Variants in ACACA observed in about 807,000 individuals in gnomAD.
ACACA encodes acetyl-CoA carboxylase alpha.
Under a neutral mutation model 296.1 loss-of-function variants are expected in ACACA, and 103 were observed. The ratio of observed to expected loss-of-function variants is 0.35; its 90% CI spans 0.30 to 0.41. The LOEUF is 0.41. ACACA is among the 10% of genes least tolerant of loss of function. The pLI is 1.00. For synonymous variants in ACACA, 953 were observed against 1,038.6 expected (o/e 0.92, Z 1.58); for missense variants, 1,554 against 2,989.7 (o/e 0.52, Z 11.20).
rs186357910 is a variant in ACACA at position 37,306,400 on chromosome 17, T to A, written c.339-21430A>T. Among the ~76,000 whole-genome samples, 63 of 152,266 alleles carry A rather than the reference T, an allele frequency of 4.1e-4. No individual in the cohort carries two copies. The East Asian group carries it at 9.5e-3, about 23-fold the overall frequency. On this transcript the variant is annotated intron_variant, in intron 3 of 55. Coordinates refer to ENST00000616317, the MANE Select transcript of ACACA (RefSeq NM_198834.3). Reference sequence around the variant, plus strand: ...TTTATTTACTTTTTAATGACCGATATAACTTCATACAATGAAGTGGAAAAA... The same window carrying A: ...TTTATTTACTTTTTAATGACCGATAAAACTTCATACAATGAAGTGGAAAAA...
chr17:37,138,265 T>C lies in ACACA; in HGVS notation c.5680-8047A>G, dbSNP rs143727035. On this transcript the variant is annotated intron_variant, in intron 45 of 55. Coordinates refer to ENST00000616317, the MANE Select transcript of ACACA (RefSeq NM_198834.3). ...GATTTGGATCCATGCACAGGGAACA[T>C]TCCCTAGAATGATGAACAGCTAGGA... Among the ~76,000 whole-genome samples the C allele has an allele frequency of 4.3e-3, 657 of 152,332 alleles. 6 individuals are homozygous for C. Among genetic ancestry groups the C allele is most frequent in the African/African-American group, 0.015 (621 of 41,568 alleles).
At chr17:37,376,967 T>C (rs578014993) in intron 1 of ACACA, among the ~76,000 whole-genome samples, 2 of 151,848 alleles carry the variant, frequency 1.3e-5, no homozygotes, top group South Asian at 2.1e-4. Flanking sequence ...AAATAAAAAA[T>C]TAAAATAAAA....
chr17:37,404,700 G>A (rs934591283), intron 1 of ACACA, among the ~76,000 whole-genome samples: 2 of 150,272 alleles, frequency 1.3e-5, no homozygotes, highest in East Asian at 2.0e-4. Context: ...TCAGCCTCCC[G>A]AGTAGCTGGG....
At chr17:37,125,059 G>A (rs913222241) in intron 48 of ACACA, among the ~76,000 whole-genome samples, 2 of 152,170 alleles carry the variant, frequency 1.3e-5, no homozygotes, top group African/African-American at 4.8e-5. Context: ...GTTATAGCTC[G>A]TTATAGCAAG....
intron 41 of ACACA, among the ~76,000 whole-genome samples, chr17:37,170,639 G>C (rs935582730): frequency 1.3e-5 from 2 of 152,126 alleles, no homozygotes; most frequent in Non-Finnish European, 2.9e-5. Context: ...TATTTTTTCT[G>C]CTGGGAGGAC....
chr17:37,395,578 CTT>C (rs1044590364), intron 1 of ACACA, among the ~76,000 whole-genome samples: 3 of 151,844 alleles, frequency 2.0e-5, no homozygotes, highest in African/African-American at 7.3e-5. Flanking sequence ...GAGTTTCACT[CTT>C]GTTGCCCAGG....
chr17:37,244,245 A>C (rs2145976793), intron 21 of ACACA, among the ~76,000 whole-genome samples: 1 of 152,124 alleles, frequency 6.6e-6, no homozygotes, highest in East Asian at 1.9e-4. Context: ...ACGTGCCTAC[A>C]ATCCCCACTA....
At chr17:37,294,471 C>T (rs1455562591) in intron 3 of ACACA, among the ~76,000 whole-genome samples, 5 of 152,124 alleles carry the variant, frequency 3.3e-5, no homozygotes, top group East Asian at 3.9e-4. Context: ...CATGTATAGA[C>T]GCACACAAAC....
At chr17:37,143,771 C>T in intron 45 of ACACA, 1 of 995,724 alleles carries the variant, frequency 1.0e-6, no homozygotes, top group East Asian at 2.4e-5. Flanking sequence ...TCGGCCTTGG[C>T]AACTCCCTTT....
chr17:37,130,047 A>G (rs2075015475), intron 46 of ACACA, 28 bp downstream of exon 46: 1 of 1,613,758 alleles, frequency 6.2e-7, no homozygotes, highest in Non-Finnish European at 8.5e-7. Context: ...TCTGCAGGCC[A>G]TGTCAGTGCT....
chr17:37,402,145 GT>G (rs904760742), intron 1 of ACACA, among the ~76,000 whole-genome samples: 1 of 152,072 alleles, frequency 6.6e-6, no homozygotes, highest in African/African-American at 2.4e-5. Context: ...GACAAAAGGT[GT>G]TTTTTTGGGT....
At chr17:37,174,012 A>T (rs1314994703) in intron 41 of ACACA, among the ~76,000 whole-genome samples, 1,093 of 12,362 alleles carry the variant, frequency 0.088, 99 homozygotes, top group African/African-American at 0.29. Flanking sequence ...ATATATATAT[A>T]TATATATATT....
At chr17:37,191,304 A>G (rs2077739808) in intron 37 of ACACA, 29 bp from the exon 38 acceptor site, 6 of 1,605,644 alleles carry the variant, frequency 3.7e-6, no homozygotes, top group Non-Finnish European at 5.1e-6. Context: ...ATCAACATTA[A>G]TGTAGTTTAA....
chr17:37,225,960 C>A (rs1000477043), intron 26 of ACACA, among the ~76,000 whole-genome samples: 30 of 152,180 alleles, frequency 2.0e-4, no homozygotes, highest in Admixed American at 1.2e-3. Flanking sequence ...TTGATTATTT[C>A]CTGTACACTT....
intron 3 of ACACA, chr17:37,299,135 T>G (rs1310114960): frequency 1.2e-6 from 1 of 841,326 alleles, no homozygotes; most frequent in Non-Finnish European, 1.8e-6. Context: ...TATGCCCATT[T>G]TTATTCATTT....
At chr17:37,309,871 G>C (rs893068033) in intron 3 of ACACA, among the ~76,000 whole-genome samples, 4 of 151,900 alleles carry the variant, frequency 2.6e-5, no homozygotes, top group African/African-American at 9.7e-5. Flanking sequence ...GGGCCACATA[G>C]TGAGAACACA....
intron 39 of ACACA, among the ~76,000 whole-genome samples, chr17:37,182,743 T>C (rs574091289): frequency 1.3e-5 from 2 of 152,182 alleles, no homozygotes; most frequent in Non-Finnish European, 2.9e-5. Context: ...AGTCTACCAT[T>C]AATGAATAGA....
Position 37,274,230 on chromosome 17 carries a change from T to C in ACACA, c.971A>G (p.Glu324Gly). Reference sequence around the variant, plus strand: ...ATCCACATCTTTCACATAACCTTTTTCATATAGCTCCTGGGGAACATTTAA... The same window carrying C: ...ATCCACATCTTTCACATAACCTTTTCCATATAGCTCCTGGGGAACATTTAA... ...RILNVPQELY[E>G]KGYVKDVDDG... Residue 324 changes from glutamate (E) to glycine (G), a missense_variant, in exon 9 of 56, where the codon GAA (glutamate) becomes GGA (glycine). By Grantham distance (98) the Glu-to-Gly change is moderately conservative (BLOSUM62 -2). Coordinates refer to ENST00000616317, the MANE Select transcript of ACACA (RefSeq NM_198834.3). 1 of 1,614,190 alleles carries C rather than the reference T, an allele frequency of 6.2e-7. No individual in the cohort carries two copies. Among genetic ancestry groups the C allele is most frequent in the Non-Finnish European group, 8.5e-7 (1 of 1,180,020 alleles).
chr17:37,191,079 A>G, intron 38 of ACACA, 41 bp downstream of exon 38: 1 of 1,608,910 alleles, frequency 6.2e-7, no homozygotes, highest in Non-Finnish European at 8.5e-7. Context: ...TTCTGTGCTT[A>G]TGCTTGCTAG....
Sources: gnomAD v4.1 joint callset for allele counts (sites outside exome capture counted in the v4.1 genomes callset) on GRCh38, gnomAD v4.1.1 for gene constraint, MANE v1.5 for transcripts, NCBI Gene and HGNC (gene_info 2026-07-23, HGNC 2026-07-21) for gene names.